Variants in PEX14 observed in about 807,000 individuals in gnomAD.
The protein encoded by PEX14 is peroxisomal membrane protein PEX14.
In PEX14, 15 loss-of-function variants were observed where a neutral mutation model predicts 49.5. The observed-to-expected ratio is 0.30, with a 90% CI of 0.20 to 0.47. The LOEUF (loss-of-function observed/expected upper bound fraction) is 0.47. Ranked by LOEUF, PEX14 falls within the 20% of genes least tolerant of loss-of-function variation. PEX14 has a pLI of 1.00. For synonymous variants in PEX14, 210 were observed against 212.7 expected (o/e 0.99, Z 0.11); for missense variants, 398 against 494.8 (o/e 0.80, Z 1.86).
At chr1:10,526,372 C>A (rs1638483863) in intron 2 of PEX14, among the ~76,000 whole-genome samples, 1 of 152,032 alleles carries the variant, frequency 6.6e-6, no homozygotes, top group Non-Finnish European at 1.5e-5. Flanking sequence ...GTGTGAACCA[C>A]CACACCCAGC....
chr1:10,566,097 A>G (rs774129767), intron 3 of PEX14, among the ~76,000 whole-genome samples: 2 of 152,242 alleles, frequency 1.3e-5, no homozygotes, highest in African/African-American at 2.4e-5. Flanking sequence ...TGGACTCTCA[A>G]GTCTTGGTTG....
At chr1:10,600,311 C>G (rs571036107) in intron 4 of PEX14, among the ~76,000 whole-genome samples, 24 of 152,190 alleles carry the variant, frequency 1.6e-4, no homozygotes, top group Non-Finnish European at 3.1e-4. Flanking sequence ...ATCCCTGCTA[C>G]TCAGGAGGCT....
At position 10,520,978 on chromosome 1, in the gene PEX14, C is replaced by CTTT. The variant is rs34115584; in HGVS notation, c.85-15222_85-15220dup. Among the ~76,000 whole-genome samples, 389 of 140,994 alleles carry CTTT rather than the reference C, an allele frequency of 2.8e-3. 1 individual carries two copies. The highest frequency in any genetic ancestry group is 7.2e-3 in the Middle Eastern group (2 of 278). 92.5% of individuals were successfully genotyped at this position (140,994 alleles called of 152,430 possible). ...TCTATCCTCTGCTCTTTGCCGTTGT[C>CTTT]TTTTTTTTTTTTTTTAAACATTTTG... On this transcript the variant is annotated intron_variant, in intron 2 of 8. Coordinates refer to ENST00000356607, the MANE Select transcript of PEX14 (RefSeq NM_004565.3).
intron 1 of PEX14, among the ~76,000 whole-genome samples, chr1:10,493,081 G>A (rs1196066472): frequency 1.3e-5 from 2 of 152,210 alleles, no homozygotes; most frequent in Admixed American, 1.3e-4. Context: ...GCAAAGGCCA[G>A]TGCGTCTGTC....
chr1:10,567,947 C>T (rs1639855358), intron 3 of PEX14, among the ~76,000 whole-genome samples: 1 of 152,130 alleles, frequency 6.6e-6, no homozygotes, highest in Non-Finnish European at 1.5e-5. Context: ...TTTTTCGTTA[C>T]TACTTTGAAT....
In PEX14 at chr1:10,599,341, C is replaced by T. The variant is rs1472776677; in HGVS notation, c.273C>T (p.Pro91=). 1 of 1,606,108 alleles carries T rather than the reference C, an allele frequency of 6.2e-7. No individual in the cohort carries two copies. The highest frequency in any genetic ancestry group is 1.7e-5 in the Admixed American group (1 of 60,004). ...CCACACAGGTGGTTCCTGTCCAGCCCCCTCACCTCATATCTCAGCCATACA... is the reference window on the plus strand; with the variant it reads ...CCACACAGGTGGTTCCTGTCCAGCCTCCTCACCTCATATCTCAGCCATACA... The part of the protein sequence containing the change: ...GPATQVVPVQ[P]PHLISQPYSP... Residue 91 remains proline (P), a synonymous_variant, in exon 4 of 9, where the codon CCC becomes CCT. Transcript: ENST00000356607.
chr1:10,549,646 A>G (rs1639281608), intron 3 of PEX14, among the ~76,000 whole-genome samples: 1 of 152,200 alleles, frequency 6.6e-6, no homozygotes, highest in African/African-American at 2.4e-5. Context: ...AATGCTTGGG[A>G]CCAGAAATGT....
chr1:10,554,720 C>CT (rs58060040), intron 3 of PEX14, among the ~76,000 whole-genome samples: 47,090 of 148,836 alleles, frequency 0.32, 8,087 homozygotes, highest in East Asian at 0.47. Context: ...GCTTTTTTTT[C>CT]TTTTTTTTTT....
intron 2 of PEX14, among the ~76,000 whole-genome samples, chr1:10,508,725 C>T (rs1243887916): frequency 1.3e-5 from 2 of 152,198 alleles, no homozygotes; most frequent in Non-Finnish European, 2.9e-5. Flanking sequence ...AGCAAATTGG[C>T]CGTGACATTT....
At chr1:10,609,402 T>C (rs1428327533) in intron 4 of PEX14, among the ~76,000 whole-genome samples, 1 of 152,218 alleles carries the variant, frequency 6.6e-6, no homozygotes, top group Non-Finnish European at 1.5e-5. Flanking sequence ...AAGTATACAA[T>C]TCAATGAGTT....
chr1:10,549,261 A>C (rs935314529), intron 3 of PEX14, among the ~76,000 whole-genome samples: 1 of 152,214 alleles, frequency 6.6e-6, no homozygotes, highest in African/African-American at 2.4e-5. Flanking sequence ...CTGTAAGAAA[A>C]ATATTTTAAC....
chr1:10,583,969 G>A (rs1164956276), intron 3 of PEX14, among the ~76,000 whole-genome samples: 1 of 151,536 alleles, frequency 6.6e-6, no homozygotes, highest in Admixed American at 6.6e-5. Context: ...TCTTGGTAAG[G>A]ACTTTGGTTT....
At chr1:10,588,101 A>T (rs1466321704) in intron 3 of PEX14, among the ~76,000 whole-genome samples, 1 of 151,746 alleles carries the variant, frequency 6.6e-6, no homozygotes, top group Non-Finnish European at 1.5e-5. Context: ...GGTGCCTGTA[A>T]TCCCAGCTAC....
chr1:10,600,999 C>T (rs547086921), intron 4 of PEX14, among the ~76,000 whole-genome samples: 11 of 152,080 alleles, frequency 7.2e-5, no homozygotes, highest in African/African-American at 1.7e-4. Context: ...CGGTGGCTCA[C>T]GCCTGTAATC....
intron 5 of PEX14, among the ~76,000 whole-genome samples, chr1:10,620,306 A>C (rs1196881104): frequency 6.8e-6 from 1 of 147,988 alleles, no homozygotes; most frequent in African/African-American, 2.6e-5. Context: ...AAATAAAATA[A>C]AATAAAATAA....
chr1:10,573,721 A>G (rs1452274683), intron 3 of PEX14, among the ~76,000 whole-genome samples: 1 of 152,196 alleles, frequency 6.6e-6, no homozygotes, highest in Non-Finnish European at 1.5e-5. Flanking sequence ...TGACCTAGCA[A>G]TTCCATTATT....
At chr1:10,528,194 A>T (rs963117184) in intron 2 of PEX14, 1 of 275,130 alleles carries the variant, frequency 3.6e-6, no homozygotes, top group African/African-American at 2.3e-5. Flanking sequence ...TTAATGTTTG[A>T]GGTTGCCATT....
rs756755151 is a variant in PEX14 at position 10,501,882 on chromosome 1, G to T, written c.84+6561G>T. ...GCTGTGATACCCCCACTGCACTCCA[G>T]CTTGGGCAACAGAGTAAGACTCCGT... On this transcript the variant is annotated intron_variant, in intron 2 of 8. Transcript: ENST00000356607. 8.0e-4 allele frequency among the ~76,000 whole-genome samples: 122 copies of T among 152,254 alleles called. 1 individual carries two copies. The highest frequency in any genetic ancestry group is 6.3e-4 in the Non-Finnish European group (43 of 68,028).
chr1:10,540,285 T>A (rs1638962941), intron 3 of PEX14, among the ~76,000 whole-genome samples: 1 of 152,220 alleles, frequency 6.6e-6, no homozygotes, highest in African/African-American at 2.4e-5. Flanking sequence ...AGTAAATTCT[T>A]ACACAGATTT....
Sources: allele counts gnomAD v4.1 joint callset (sites outside exome capture counted in the v4.1 genomes callset), GRCh38; gene constraint gnomAD v4.1.1; transcripts MANE v1.5; gene names NCBI Gene and HGNC (gene_info 2026-07-23, HGNC 2026-07-21).